The following HINFP variants were observed in gnomAD, a reference collection of about 807,000 sequenced individuals.
HINFP encodes histone H4 transcription factor.
Under a neutral mutation model 50.1 loss-of-function variants are expected in HINFP, and 20 were observed. The ratio of observed to expected loss-of-function variants is 0.40; its 90% CI spans 0.28 to 0.58. The LOEUF (loss-of-function observed/expected upper bound fraction) is 0.58. Among genes scored for constraint, HINFP ranks in the 20% least tolerant of loss-of-function variants. HINFP has a pLI of 0.45. For missense variants in HINFP, 505 were observed against 664.1 expected (o/e 0.76, Z 2.63); for synonymous variants, 247 against 243.7 (o/e 1.01, Z -0.13).
At position 119,131,111 on chromosome 11, in the gene HINFP, C is replaced by T. The variant is rs1188281462; in HGVS notation, c.411+157C>T. 6 of 739,818 alleles carry T rather than the reference C, an allele frequency of 8.1e-6. No individual in the cohort carries two copies. Among genetic ancestry groups the T allele is most frequent in the Non-Finnish European group, 1.4e-5 (6 of 420,702 alleles). 45.8% of individuals were successfully genotyped at this position (739,818 alleles called of 1,614,324 possible). On this transcript the variant is annotated intron_variant, in intron 3 of 9. Coordinates refer to ENST00000350777, the MANE Select transcript of HINFP (RefSeq NM_198971.3). This position sits in a 1 kb window ranked among gnomAD's most constrained non-coding sequence, Gnocchi z 4.2. ...TTAAAATTTGTTTATTTTTTACACA[C>T]AGGCTCTTGATCTGAAGCCCAGGCT...
intron 2 of HINFP, among the ~76,000 whole-genome samples, chr11:119,129,661 T>C (rs537283466): frequency 6.6e-6 from 1 of 151,698 alleles, no homozygotes; most frequent in South Asian, 2.1e-4. Flanking sequence ...AGACGGGGTT[T>C]GACTGTGTTA....
At chr11:119,122,551 G>A (rs546933273) in intron 1 of HINFP, among the ~76,000 whole-genome samples, 2 of 152,314 alleles carry the variant, frequency 1.3e-5, no homozygotes, top group East Asian at 1.9e-4. Flanking sequence ...CAGGGATGGG[G>A]TAGTTTAGGA....
At position 119,131,579 on chromosome 11, in the gene HINFP, A is replaced by G; in HGVS notation, c.456A>G (p.Ala152=). ...NPEWFYRHVE[A]HSLCCEYEAV... ...AGTGGTTTTATCGGCATGTGGAAGCACACAGTCTGTGCTGTGAATACGAAG... is the reference window on the plus strand; with the variant it reads ...AGTGGTTTTATCGGCATGTGGAAGCGCACAGTCTGTGCTGTGAATACGAAG... Residue 152 remains alanine, a synonymous_variant, in exon 4 of 10, where the codon GCA becomes GCG. Coordinates refer to ENST00000350777, the MANE Select transcript of HINFP (RefSeq NM_198971.3). This position sits in a 1 kb window ranked among gnomAD's most constrained non-coding sequence, Gnocchi z 4.2. 1 of 1,614,188 alleles carries G rather than the reference A, an allele frequency of 6.2e-7. No homozygotes were observed. The highest frequency in any genetic ancestry group is 8.5e-7 in the Non-Finnish European group (1 of 1,180,034).
In HINFP at chr11:119,130,951, T is replaced by G; in HGVS notation, c.408T>G (p.Cys136Trp). The change falls in exon 3 of 10, where the codon TGT (cysteine) becomes TGG (tryptophan). Residue 136 changes from cysteine to tryptophan, a missense_variant. Transcript: ENST00000350777. The part of the protein sequence containing the change: ...PDHFLCLWEH[C>W]ENSFDNPEWF... ...ACTTCCTGTGTCTGTGGGAGCACTG[T>G]GAGGTCAGCAGGCAGTGCCAGTAAT... 1 of 1,613,590 alleles carries G rather than the reference T, an allele frequency of 6.2e-7. No individual in the cohort carries two copies. The highest frequency in any genetic ancestry group is 8.5e-7 in the Non-Finnish European group (1 of 1,179,454).
rs1947999960 is a variant in HINFP, at chr11:119,135,126, G to A, written c.*628G>A. The A allele has an allele frequency of 6.6e-6, 1 of 152,664 alleles. No individual in the cohort carries two copies. The highest frequency in any genetic ancestry group is 1.5e-5 in the Non-Finnish European group (1 of 68,080). 9.5% of individuals were successfully genotyped at this position (152,664 alleles called of 1,614,324 possible). A position where few individuals can be genotyped will look rare whatever the true frequency, so the allele number is the denominator to read the frequency against. ...GATACAGCCACCCAGAAGAGGAGCT[G>A]AATAGTTAGGCTTGTTCCCCTTCTG... On this transcript the variant is annotated 3_prime_UTR_variant, in exon 10 of 10. Transcript: ENST00000350777.
At position 119,132,478 on chromosome 11, in the gene HINFP, C is replaced by T; in HGVS notation, c.677-18C>T. 6.2e-7 allele frequency: 1 copy of T among 1,613,614 alleles called. No individual in the cohort carries two copies. The highest frequency in any genetic ancestry group is 8.5e-7 in the Non-Finnish European group (1 of 1,179,812). ...CTATCACCTACAGCCCTCCTTTCTT[C>T]TGCCTGCCCCACCCCAGAGCAGCAC... On this transcript the variant is annotated intron_variant, in intron 5 of 9. Transcript: ENST00000350777.
At chr11:119,123,215 CAG>C (rs1947186927) in intron 1 of HINFP, among the ~76,000 whole-genome samples, 1 of 145,532 alleles carries the variant, frequency 6.9e-6, no homozygotes, top group East Asian at 2.1e-4. Flanking sequence ...ATGATTGAAT[CAG>C]AGGAAGAGGG....
chr11:119,130,922 G>A lies in HINFP; in HGVS notation c.379G>A (p.Asp127Asn). The A allele has an allele frequency of 6.2e-7, 1 of 1,614,206 alleles. No homozygotes were observed. Among genetic ancestry groups the A allele is most frequent in the Non-Finnish European group, 8.5e-7 (1 of 1,180,038 alleles). ...CCGGAACGTCATCCCTGATATCCCTGACCACTTCCTGTGTCTGTGGGAGCA... is the reference window on the plus strand; with the variant it reads ...CCGGAACGTCATCCCTGATATCCCTAACCACTTCCTGTGTCTGTGGGAGCA... ...QSRNVIPDIP[D>N]HFLCLWEHCE... Residue 127 changes from aspartate (D) to asparagine (N), a missense_variant, in exon 3 of 10, where the codon GAC (aspartate) becomes AAC (asparagine). Asp to Asn is a conservative substitution (Grantham distance 23). Transcript: ENST00000350777.
chr11:119,130,077 G>C (rs1162958038), intron 2 of HINFP: 1 of 152,470 alleles, frequency 6.6e-6, no homozygotes, highest in African/African-American at 2.4e-5. Context: ...TGGAAGAGTT[G>C]ATGGGGCCTT....
rs375947209 is a variant in HINFP at position 119,132,487 on chromosome 11, C to T, written c.677-9C>T. 7.4e-6 allele frequency: 12 copies of T among 1,613,978 alleles called. No individual in the cohort carries two copies. The highest frequency in any genetic ancestry group is 1.7e-5 in the Admixed American group (1 of 60,014). ...ACAGCCCTCCTTTCTTCTGCCTGCC[C>T]CACCCCAGAGCAGCACTTCCAGTGT... On this transcript the variant is annotated splice_polypyrimidine_tract_variant and intron_variant, in intron 5 of 9. Transcript: ENST00000350777.
In HINFP at chr11:119,134,434, C is replaced by T. The variant is rs1260314475; in HGVS notation, c.1490C>T (p.Pro497Leu). The stretch of plus-strand genomic sequence containing the variant: ...GAGCCTCCCCCAGCCCCTGAGCCAC[C>T]TTCAGGGGGCATCATGGAAAAGCTT... Reference protein sequence around the residue: ...PGEPPPAPEPPSGGIMEKLQG... With the variant: ...PGEPPPAPEPLSGGIMEKLQG... The change falls in exon 10 of 10, where the codon CCT (proline) becomes CTT (leucine). Residue 497 changes from proline to leucine, a missense_variant. Coordinates refer to ENST00000350777, the MANE Select transcript of HINFP (RefSeq NM_198971.3). This position sits in a 1 kb window ranked among gnomAD's most constrained non-coding sequence, Gnocchi z 4.3. 3.7e-6 allele frequency: 6 copies of T among 1,613,624 alleles called. No individual in the cohort carries two copies. The African/African-American group carries it at 8.0e-5, about 22-fold the overall frequency.
chr11:119,127,145 G>T lies in HINFP; in HGVS notation c.181+20G>T. 1 of 1,576,640 alleles carries T rather than the reference G, an allele frequency of 6.3e-7. No homozygotes were observed. The highest frequency in any genetic ancestry group is 2.3e-5 in the East Asian group (1 of 43,628). On this transcript the variant is annotated intron_variant, in intron 2 of 9. Transcript: ENST00000350777. The stretch of plus-strand genomic sequence containing the variant: ...CACTTGGTAAGAGAGCAGGACACAG[G>T]AAGGGGAGGAGCTCAAGGAAAGGTG...
rs1291936135 is a variant in HINFP, at chr11:119,132,668, C to T, written c.762C>T (p.His254=). Residue 254 remains histidine (H), a synonymous_variant, in exon 7 of 10, where the codon CAC becomes CAT. Transcript: ENST00000350777. The stretch of plus-strand genomic sequence containing the variant: ...CCTCTCTGCTTCTCTCAGTGAATCA[C>T]TATAAGTGCCCTCTGTGTGACATGA... The part of the protein sequence containing the change: ...LRDHMRNHVN[H]YKCPLCDMTC... 6.2e-7 allele frequency: 1 copy of T among 1,614,140 alleles called. No individual in the cohort carries two copies. Among genetic ancestry groups the T allele is most frequent in the Admixed American group, 1.7e-5 (1 of 60,032 alleles).
At position 119,133,083 on chromosome 11, in the gene HINFP, C is replaced by T; in HGVS notation, c.1015-12C>T. 2 of 1,614,226 alleles carry T rather than the reference C, an allele frequency of 1.2e-6. No homozygotes were observed. The highest frequency in any genetic ancestry group is 1.6e-4 in the Middle Eastern group (1 of 6,062). ...AAGAGCTGGTCTCATTTCTCCCTTC[C>T]TTCCCCATCAGGGAGACTCTGAGCC... On this transcript the variant is annotated splice_polypyrimidine_tract_variant and intron_variant, in intron 8 of 9. Transcript: ENST00000350777.
At chr11:119,127,222 T>C in intron 2 of HINFP, 97 bp downstream of exon 2, 3 of 994,918 alleles carry the variant, frequency 3.0e-6, no homozygotes, top group Non-Finnish European at 4.2e-6. Flanking sequence ...AAGAGAATGG[T>C]GGTTTATTTT....
Position 119,133,010 on chromosome 11 carries a change from G to T in HINFP, c.1014+8G>T, listed in dbSNP as rs762630054. On this transcript the variant is annotated splice_region_variant and intron_variant, in intron 8 of 9. Coordinates refer to ENST00000350777, the MANE Select transcript of HINFP (RefSeq NM_198971.3). Reference sequence around the variant, plus strand: ...TACCGCAAAGTACATGAAGTGAGTGGGGCTGGTGTTGGGAAGGACTAGTGG... The same window carrying T: ...TACCGCAAAGTACATGAAGTGAGTGTGGCTGGTGTTGGGAAGGACTAGTGG... 1.9e-6 allele frequency: 3 copies of T among 1,614,244 alleles called. No homozygotes were observed. Among genetic ancestry groups the T allele is most frequent in the Non-Finnish European group, 2.5e-6 (3 of 1,180,038 alleles).
At position 119,131,623 on chromosome 11, in the gene HINFP, C is replaced by T. The variant is rs145155341; in HGVS notation, c.500C>T (p.Pro167Leu). Residue 167 changes from proline to leucine, a missense_variant, in exon 4 of 10, where the codon CCG (proline) becomes CTG (leucine). By Grantham distance (98) the Pro-to-Leu change is moderately conservative (BLOSUM62 -3). Coordinates refer to ENST00000350777, the MANE Select transcript of HINFP (RefSeq NM_198971.3). This position sits in a 1 kb window ranked among gnomAD's most constrained non-coding sequence, Gnocchi z 4.2. ...CEYEAVGKDN[P>L]VVLCGWKGCT... Reference sequence around the variant, plus strand: ...TACGAAGCAGTCGGCAAGGACAACCCGGTGGTGCTGTGTGGCTGGAAAGGT... The same window carrying T: ...TACGAAGCAGTCGGCAAGGACAACCTGGTGGTGCTGTGTGGCTGGAAAGGT... 3.5e-5 allele frequency: 56 copies of T among 1,613,874 alleles called. No homozygotes were observed. The African/African-American group carries it at 5.5e-4, about 16-fold the overall frequency.
At chr11:119,132,342 A>T in intron 5 of HINFP, 154 bp from the exon 6 acceptor site, 1 of 694,806 alleles carries the variant, frequency 1.4e-6, no homozygotes, top group Non-Finnish European at 2.4e-6. Flanking sequence ...TCTAAGTCCC[A>T]TGCTCTTTCC....
At chr11:119,130,580 A>G in intron 2 of HINFP, 145 bp from the exon 3 acceptor site, 1 of 650,798 alleles carries the variant, frequency 1.5e-6, no homozygotes, top group Non-Finnish European at 2.7e-6. Flanking sequence ...AAATACTGGT[A>G]TTTGCTAAAT....
Sources: gnomAD v4.1 joint callset for allele counts (sites outside exome capture counted in the v4.1 genomes callset) on GRCh38, gnomAD v4.1.1 for gene constraint, Gnocchi (gnomAD v3.1) non-coding constraint, MANE v1.5 for transcripts, NCBI Gene and HGNC (gene_info 2026-07-23, HGNC 2026-07-21) for gene names.